Variants in RAD51AP2 observed in about 807,000 individuals in gnomAD.
The protein encoded by RAD51AP2 is RAD51 associated protein 2, also known as RAD51-associated protein 2.
A neutral mutation model predicts 85.5 loss-of-function variants in RAD51AP2; 67 were observed. The observed-to-expected ratio is 0.78, with a 90% CI of 0.64 to 0.96. The LOEUF (loss-of-function observed/expected upper bound fraction) is 0.96. Ranked by LOEUF, RAD51AP2 falls within the 40% of genes least tolerant of loss-of-function variation. The pLI is 0.00. For synonymous variants in RAD51AP2, 474 were observed against 446.5 expected (o/e 1.06, Z -0.78); for missense variants, 1,307 against 1,332.4 (o/e 0.98, Z 0.30).
rs190139843 is a variant in RAD51AP2 at position 17,511,559 on chromosome 2, A to G, written c.3329-604T>C. On this transcript the variant is annotated intron_variant, in intron 2 of 2. Transcript: ENST00000399080. Reference sequence around the variant, plus strand: ...CTGATAATAAAATACAATATCTCTAACTTTCAGGGTTTTTTAAATAAACTG... The same window carrying G: ...CTGATAATAAAATACAATATCTCTAGCTTTCAGGGTTTTTTAAATAAACTG... Among the ~76,000 whole-genome samples, 675 of 152,102 alleles carry G rather than the reference A, an allele frequency of 4.4e-3. 4 individuals are homozygous for G. The highest frequency in any genetic ancestry group is 0.014 in the African/African-American group (586 of 41,346).
At chr2:17,520,972 TC>T (rs1327043699), upstream of RAD51AP2, among the ~76,000 whole-genome samples, 2 of 152,132 alleles carry the variant, frequency 1.3e-5, no homozygotes, top group African/African-American at 4.8e-5. Flanking sequence ...TGCATCGTCA[TC>T]TGTTTCCTAT....
rs1435371330 is a variant in RAD51AP2, at chr2:17,515,469, T to C, written c.2947A>G (p.Arg983Gly). 1 of 1,613,486 alleles carries C rather than the reference T, an allele frequency of 6.2e-7. No homozygotes were observed. The highest frequency in any genetic ancestry group is 8.5e-7 in the Non-Finnish European group (1 of 1,179,764). ...EELRMFHEISRENELLSTVET... is the reference protein window; with the variant it reads ...EELRMFHEISGENELLSTVET... ...ACAGTGCTTAGAAGTTCATTTTCCC[T>C]ACTAATTTCATGAAACATACGAAGT... Residue 983 changes from arginine to glycine, a missense_variant, in exon 1 of 3, where the codon AGG becomes GGG. Physicochemically the swap from Arg to Gly is moderately radical, Grantham distance 125. Transcript: ENST00000399080.
At chr2:17,518,718 G>C (rs965851730), upstream of RAD51AP2, among the ~76,000 whole-genome samples, 2 of 151,836 alleles carry the variant, frequency 1.3e-5, no homozygotes, top group African/African-American at 4.8e-5. Context: ...TGCCACGACT[G>C]TAGAGAGTCT....
At chr2:17,534,881 A>G in the RAD51AP2 span, among the ~76,000 whole-genome samples, 3 of 152,196 alleles carry the variant, frequency 2.0e-5, no homozygotes, top group Non-Finnish European at 4.4e-5. Flanking sequence ...AAAAGTTATA[A>G]AGTTTCTTCA....
rs1157401349 is a variant in RAD51AP2 at position 17,516,663 on chromosome 2, C to T, written c.1753G>A (p.Ala585Thr). ...GAGTCAAAGTTATTGAGCAAAAAAGCTATGTTAGTTTTCAATAGAATATCT... is the reference window on the plus strand; with the variant it reads ...GAGTCAAAGTTATTGAGCAAAAAAGTTATGTTAGTTTTCAATAGAATATCT... ...PLDILLKTNI[A>T]FLLNNFDSLT... The change falls in exon 1 of 3, where the codon GCT becomes ACT. Residue 585 changes from alanine (A) to threonine (T), a missense_variant. Ala to Thr is a moderately conservative substitution (Grantham distance 58). Transcript: ENST00000399080. 1.3e-6 allele frequency: 2 copies of T among 1,569,850 alleles called. No homozygotes were observed. The highest frequency in any genetic ancestry group is 3.9e-5 in the Admixed American group (2 of 51,372).
Position 17,517,062 on chromosome 2 carries a change from T to C in RAD51AP2, c.1354A>G (p.Ile452Val), listed in dbSNP as rs1256701344. 3 of 1,612,182 alleles carry C rather than the reference T, an allele frequency of 1.9e-6. No homozygotes were observed. In the East Asian group the frequency reaches 6.7e-5, roughly 36 times the overall value. ...TTTGATTGTTCTTCATATGCATTGATGACTTTTGCACAGTGGTAATCTTCC... is the reference window on the plus strand; with the variant it reads ...TTTGATTGTTCTTCATATGCATTGACGACTTTTGCACAGTGGTAATCTTCC... ...SKEDYHCAKV[I>V]NAYEEQSKLL... Residue 452 changes from isoleucine (I) to valine (V), a missense_variant, in exon 1 of 3, where the codon ATC becomes GTC. Transcript: ENST00000399080.
chr2:17,516,943 C>A lies in RAD51AP2; in HGVS notation c.1473G>T (p.Leu491Phe). 1 of 1,599,518 alleles carries A rather than the reference C, an allele frequency of 6.3e-7. No homozygotes were observed. The highest frequency in any genetic ancestry group is 1.1e-5 in the South Asian group (1 of 87,132). Reference protein sequence around the residue: ...GKGENDNTLQLRYNTTQKVFH... With the variant: ...GKGENDNTLQFRYNTTQKVFH... ...AGACTTTTTGTGTAGTATTGTATCT[C>A]AACTGTAGAGTATTATCATTTTCTC... The change falls in exon 1 of 3, where the codon TTG (leucine) becomes TTT (phenylalanine). Residue 491 changes from leucine to phenylalanine, a missense_variant. This residue lies in a region of RAD51AP2 where 635 missense variants were observed against 643.6 expected (regional missense o/e 0.99). Transcript: ENST00000399080.
upstream of RAD51AP2, among the ~76,000 whole-genome samples, chr2:17,520,411 G>A (rs558175571): frequency 6.6e-6 from 1 of 151,874 alleles, no homozygotes; most frequent in East Asian, 1.9e-4. Context: ...AATAAGACTT[G>A]TCTGAATCTT....
the RAD51AP2 span, among the ~76,000 whole-genome samples, chr2:17,529,734 T>A: frequency 6.6e-6 from 1 of 152,196 alleles, no homozygotes; most frequent in Non-Finnish European, 1.5e-5. Flanking sequence ...TGGGATAGAT[T>A]AGCAGGGAAG....
At chr2:17,513,097 A>T (rs552192050) in intron 2 of RAD51AP2, among the ~76,000 whole-genome samples, 1 of 152,198 alleles carries the variant, frequency 6.6e-6, no homozygotes, top group Admixed American at 6.5e-5. Context: ...GCCTAGTTCC[A>T]TAATTTCAAT....
At position 17,515,583 on chromosome 2, in the gene RAD51AP2, C is replaced by A; in HGVS notation, c.2833G>T (p.Asp945Tyr). Reference protein sequence around the residue: ...LSEGNDECFQDLAAKYLSTEA... With the variant: ...LSEGNDECFQYLAAKYLSTEA... ...GTTGATAAATATTTAGCAGCTAAGT[C>A]CTGAAAACATTCATCATTCCCTTCA... The change falls in exon 1 of 3, where the codon GAC becomes TAC. Residue 945 changes from aspartate to tyrosine, a missense_variant. Around this residue, in one of 3 missense-constraint regions of RAD51AP2, gnomAD observed 668 missense variants for 671.0 expected, o/e 1.00. Transcript: ENST00000399080. 6.2e-7 allele frequency: 1 copy of A among 1,610,034 alleles called. No individual in the cohort carries two copies. The highest frequency in any genetic ancestry group is 1.3e-5 in the African/African-American group (1 of 74,770).
rs776849589 is a variant in RAD51AP2 at position 17,516,685 on chromosome 2, A to T, written c.1731T>A (p.Asp577Glu). The stretch of plus-strand genomic sequence containing the variant: ...AAGCTATGTTAGTTTTCAATAGAAT[A>T]TCTAAAGGTTCTGAAACACTATCTT... The part of the protein sequence containing the change: ...YLQDSVSEPL[D>E]ILLKTNIAFL... The change falls in exon 1 of 3, where the codon GAT (aspartate) becomes GAA (glutamate). Residue 577 changes from aspartate to glutamate, a missense_variant. Around this residue, in one of 3 missense-constraint regions of RAD51AP2, gnomAD observed 668 missense variants for 671.0 expected, o/e 1.00. Coordinates refer to ENST00000399080, the MANE Select transcript of RAD51AP2 (RefSeq NM_001099218.3). 1 of 1,572,796 alleles carries T rather than the reference A, an allele frequency of 6.4e-7. No homozygotes were observed. Among genetic ancestry groups the T allele is most frequent in the Non-Finnish European group, 8.6e-7 (1 of 1,158,636 alleles).
upstream of RAD51AP2, among the ~76,000 whole-genome samples, chr2:17,519,549 T>A (rs1041026569): frequency 6.6e-6 from 1 of 152,156 alleles, no homozygotes; most frequent in Non-Finnish European, 1.5e-5. Flanking sequence ...ATGGCATAGA[T>A]GGCAATATAT....
upstream of RAD51AP2, among the ~76,000 whole-genome samples, chr2:17,518,637 C>T (rs1045252838): frequency 2.0e-5 from 3 of 151,270 alleles, no homozygotes; most frequent in African/African-American, 7.3e-5. Context: ...CCACGCGCCC[C>T]GGTTGTCTCA....
chr2:17,523,201 A>C (rs572483823), upstream of RAD51AP2, among the ~76,000 whole-genome samples: 39 of 151,902 alleles, frequency 2.6e-4, no homozygotes, highest in Non-Finnish European at 4.6e-4. Context: ...GCACCCAGTC[A>C]ATGTCCATTT....
In RAD51AP2 at chr2:17,515,725, T is replaced by C. The variant is rs753578313; in HGVS notation, c.2691A>G (p.Thr897=). 6.3e-7 allele frequency: 1 copy of C among 1,599,122 alleles called. No homozygotes were observed. Among genetic ancestry groups the C allele is most frequent in the Non-Finnish European group, 8.5e-7 (1 of 1,173,240 alleles). The change falls in exon 1 of 3, where the codon ACA becomes ACG. Residue 897 remains threonine (T), a synonymous_variant. Coordinates refer to ENST00000399080, the MANE Select transcript of RAD51AP2 (RefSeq NM_001099218.3). ...AAATACTCTCATATTCATTTGTATT[T>C]GTTACATAATTTTGATTAACATATT... ...ENKYVNQNYV[T]NTNEYESILP...
chr2:17,520,624 T>C (rs1273395580), upstream of RAD51AP2, among the ~76,000 whole-genome samples: 1 of 152,096 alleles, frequency 6.6e-6, no homozygotes, highest in African/African-American at 2.4e-5. Flanking sequence ...ATAAACCCCA[T>C]ACTGAAGATA....
chr2:17,521,666 T>A (rs1323976108), upstream of RAD51AP2, among the ~76,000 whole-genome samples: 2 of 152,052 alleles, frequency 1.3e-5, no homozygotes, highest in African/African-American at 4.8e-5. Flanking sequence ...CAGGATACTG[T>A]GTACATTTAT....
the RAD51AP2 span, among the ~76,000 whole-genome samples, chr2:17,531,153 G>A: frequency 1.3e-5 from 2 of 152,140 alleles, no homozygotes. Context: ...AAATTAGTAA[G>A]TTTAGTCAGC....
Sources: gnomAD v4.1 joint callset for allele counts (sites outside exome capture counted in the v4.1 genomes callset) on GRCh38, gnomAD v4.1.1 for gene constraint, gnomAD v4.1.1 regional missense constraint, MANE v1.5 for transcripts, NCBI Gene and HGNC (gene_info 2026-07-23, HGNC 2026-07-21) for gene names.